The following LIFR variants were observed in gnomAD, a reference collection of about 807,000 sequenced individuals.
The protein encoded by LIFR is LIF receptor subunit alpha.
In LIFR, 84 loss-of-function variants were observed where a neutral mutation model predicts 122.2. That is an observed-to-expected ratio of 0.69 (90% CI 0.58 to 0.82). LIFR has a LOEUF of 0.82. Ranked by LOEUF, LIFR falls within the 40% of genes least tolerant of loss-of-function variation. LIFR has a pLI of 0.00. For missense variants in LIFR, 1,294 were observed against 1,311.6 expected (o/e 0.99, Z 0.21); for synonymous variants, 422 against 434.7 (o/e 0.97, Z 0.36).
At chr5:38,511,072 T>C (rs780117814) in intron 6 of LIFR, among the ~76,000 whole-genome samples, 2 of 152,204 alleles carry the variant, frequency 1.3e-5, no homozygotes, top group Non-Finnish European at 2.9e-5. Flanking sequence ...TATATATACA[T>C]GTGAACAATC....
intron 1 of LIFR, among the ~76,000 whole-genome samples, chr5:38,570,377 C>T (rs1023741435): frequency 6.6e-6 from 1 of 152,128 alleles, no homozygotes; most frequent in Non-Finnish European, 1.5e-5. Flanking sequence ...TGCTGAGATT[C>T]TGTGGAGAGG....
chr5:38,533,769 T>C (rs1406375511), intron 1 of LIFR, among the ~76,000 whole-genome samples: 2 of 152,162 alleles, frequency 1.3e-5, no homozygotes, highest in Non-Finnish European at 2.9e-5. Flanking sequence ...AGTTAGCATG[T>C]CCTGCTGGCA....
upstream of LIFR, chr5:38,558,363 C>A: frequency 6.6e-6 from 1 of 152,044 alleles, no homozygotes; most frequent in East Asian, 1.9e-4. Flanking sequence ...ATTTCTGTGG[C>A]CTTGCTATAA....
intron 1 of LIFR, among the ~76,000 whole-genome samples, chr5:38,575,240 A>G (rs1180591792): frequency 6.6e-6 from 1 of 152,232 alleles, no homozygotes; most frequent in Non-Finnish European, 1.5e-5. Flanking sequence ...AATTTACAGT[A>G]TTAAAAGTCA....
intron 1 of LIFR, among the ~76,000 whole-genome samples, chr5:38,539,086 G>A (rs60078760): frequency 0.019 from 2,916 of 152,064 alleles, 79 homozygotes; most frequent in African/African-American, 0.065. Flanking sequence ...TCAGCCTCCC[G>A]AGTAGCTGGG....
Position 38,479,512 on chromosome 5 carries a change from T to C in LIFR, c.*2083A>G, listed in dbSNP as rs1743878218. On this transcript the variant is annotated 3_prime_UTR_variant, in exon 20 of 20. Coordinates refer to ENST00000453190, the MANE Select transcript of LIFR (RefSeq NM_001127671.2). ...GATGGTCACAGTTGAAATGCATATA[T>C]ATTGACAGACAGAGATCAAACAATC... 8.6e-6 allele frequency: 2 copies of C among 231,412 alleles called. No individual in the cohort carries two copies. The highest frequency in any genetic ancestry group is 1.2e-4 in the East Asian group (2 of 16,372). 14.3% of individuals were successfully genotyped at this position (231,412 alleles called of 1,614,324 possible).
intron 1 of LIFR, among the ~76,000 whole-genome samples, chr5:38,607,152 T>C (rs1750346096): frequency 6.6e-6 from 1 of 152,218 alleles, no homozygotes; most frequent in African/African-American, 2.4e-5. Context: ...TTATTTAACA[T>C]TTATCTAAGC....
At chr5:38,569,068 C>G (rs1381622118) in intron 1 of LIFR, among the ~76,000 whole-genome samples, 4 of 152,202 alleles carry the variant, frequency 2.6e-5, no homozygotes, top group African/African-American at 9.6e-5. Flanking sequence ...TTCCCAGTGA[C>G]TTGGATAATC....
intron 13 of LIFR, among the ~76,000 whole-genome samples, chr5:38,494,995 G>C (rs573768453): frequency 6.6e-6 from 1 of 152,154 alleles, no homozygotes; most frequent in Non-Finnish European, 1.5e-5. Flanking sequence ...ACTACTAAAC[G>C]CAAGACAACA....
chr5:38,555,496 G>C (rs1367030566), intron 1 of LIFR, among the ~76,000 whole-genome samples: 1 of 152,044 alleles, frequency 6.6e-6, no homozygotes, highest in Non-Finnish European at 1.5e-5. Context: ...AACTGAACAG[G>C]AATCGGAAGA....
chr5:38,508,743 A>AT (rs1698804820), intron 7 of LIFR, among the ~76,000 whole-genome samples: 2 of 76,078 alleles, frequency 2.6e-5, no homozygotes, highest in Non-Finnish European at 2.3e-5. Flanking sequence ...TGCCCAGCTA[A>AT]TTTTTTTGTA....
intron 14 of LIFR, among the ~76,000 whole-genome samples, chr5:38,492,272 A>G (rs1279077333): frequency 1.3e-5 from 2 of 152,200 alleles, no homozygotes; most frequent in Non-Finnish European, 2.9e-5. Context: ...GTTGGCACAG[A>G]AAGTTCTCTT....
chr5:38,552,905 T>C (rs1386009452), intron 1 of LIFR, among the ~76,000 whole-genome samples: 5 of 152,242 alleles, frequency 3.3e-5, no homozygotes, highest in Admixed American at 6.5e-5. Context: ...CACTATGTGA[T>C]GAAGGTGGTT....
upstream of LIFR, among the ~76,000 whole-genome samples, chr5:38,561,447 C>A (rs954820928): frequency 6.6e-6 from 1 of 152,154 alleles, no homozygotes; most frequent in Non-Finnish European, 1.5e-5. Context: ...GTACCTACCT[C>A]GTAGGGTTGT....
chr5:38,513,718 G>A (rs901911298), intron 5 of LIFR, among the ~76,000 whole-genome samples: 4 of 152,070 alleles, frequency 2.6e-5, no homozygotes, highest in African/African-American at 9.7e-5. Flanking sequence ...AATATTTGGC[G>A]TTTGCCACCT....
chr5:38,477,528 T>C lies in LIFR; in HGVS notation c.*4067A>G, dbSNP rs1022990753. The C allele has an allele frequency of 9.3e-6, 2 of 216,076 alleles. No homozygotes were observed. The highest frequency in any genetic ancestry group is 2.3e-5 in the African/African-American group (1 of 44,418). 13.4% of individuals were successfully genotyped at this position (216,076 alleles called of 1,614,324 possible). A position where few individuals can be genotyped will look rare whatever the true frequency, so the allele number is the denominator to read the frequency against. ...GAACACATGCTGGCTGGTACAAACATGCCCCAGTTGCACACCCATCAAAGA... is the reference window on the plus strand; with the variant it reads ...GAACACATGCTGGCTGGTACAAACACGCCCCAGTTGCACACCCATCAAAGA... On this transcript the variant is annotated 3_prime_UTR_variant, in exon 20 of 20. Coordinates refer to ENST00000453190, the MANE Select transcript of LIFR (RefSeq NM_001127671.2).
intron 1 of LIFR, among the ~76,000 whole-genome samples, chr5:38,565,749 G>A (rs1017884503): frequency 6.6e-6 from 1 of 152,000 alleles, no homozygotes; most frequent in Non-Finnish European, 1.5e-5. Flanking sequence ...TGCCATGCCT[G>A]GCTAATTTTG....
At chr5:38,511,281 C>A (rs1239985619) in intron 6 of LIFR, among the ~76,000 whole-genome samples, 2 of 152,122 alleles carry the variant, frequency 1.3e-5, no homozygotes, top group African/African-American at 4.8e-5. Flanking sequence ...TGACTACCAG[C>A]CTTTCAGGAT....
At position 38,531,213 on chromosome 5, in the gene LIFR, G is replaced by A. The variant is rs16903993; in HGVS notation, c.-19-547C>T. ...GGAGATGTTGCACATTGGACATTTA[G>A]GGATCCCCCAGAGTAATGAAATTCC... On this transcript the variant is annotated intron_variant, in intron 1 of 19. Transcript: ENST00000453190. Among the ~76,000 whole-genome samples the A allele has an allele frequency of 7.1e-3, 1,081 of 152,200 alleles. 17 individuals carry two copies. Among genetic ancestry groups the A allele is most frequent in the Admixed American group, 0.033 (507 of 15,274 alleles).
Sources: gnomAD v4.1 joint callset for allele counts (sites outside exome capture counted in the v4.1 genomes callset) on GRCh38, gnomAD v4.1.1 for gene constraint, MANE v1.5 for transcripts, NCBI Gene and HGNC (gene_info 2026-07-23, HGNC 2026-07-21) for gene names.